Variants in SPIDR observed in about 807,000 individuals in gnomAD.
SPIDR encodes the protein DNA repair-scaffolding protein.
A neutral mutation model predicts 104.6 loss-of-function variants in SPIDR; 93 were observed. The ratio of observed to expected loss-of-function variants is 0.89; its 90% confidence interval spans 0.75 to 1.06. The LOEUF (loss-of-function observed/expected upper bound fraction) is 1.06. Among genes scored for constraint, SPIDR ranks in the 50% least tolerant of loss-of-function variants. SPIDR has a pLI of 0.00. For missense variants in SPIDR, 1,154 were observed against 1,111.2 expected (o/e 1.04, Z -0.55); for synonymous variants, 431 against 416.9 (o/e 1.03, Z -0.41).
At chr8:47,546,563 T>C (rs2089424026) in intron 8 of SPIDR, among the ~76,000 whole-genome samples, 1 of 152,164 alleles carries the variant, frequency 6.6e-6, no homozygotes, top group African/African-American at 2.4e-5. Context: ...ATTTGTTTCA[T>C]GAATTTTCTT....
intron 1 of SPIDR, among the ~76,000 whole-genome samples, chr8:47,277,318 ATGT>A (rs2036664400): frequency 4.1e-4 from 1 of 2,424 alleles, no homozygotes; most frequent in African/African-American, 1.6e-3. Context: ...TATGTTTGTT[ATGT>A]TATGTTATGT....
At position 47,665,979 on chromosome 8, in the gene SPIDR, G is replaced by A. The variant is rs191857546; in HGVS notation, c.1545-7822G>A. Among the ~76,000 whole-genome samples the A allele has an allele frequency of 3.9e-5, 6 of 152,174 alleles. No homozygotes were observed. The East Asian group carries it at 1.2e-3, about 29-fold the overall frequency. On this transcript the variant is annotated intron_variant, in intron 10 of 19. Coordinates refer to ENST00000297423, the MANE Select transcript of SPIDR (RefSeq NM_001080394.4). ...TAATTTGGAAAAGCTTTAAATTGAA[G>A]GCTATTTGAAATAACCTCTTATTTA... is the stretch of plus-strand genomic sequence containing the variant.
chr8:47,318,096 G>A (rs187245741), intron 5 of SPIDR, among the ~76,000 whole-genome samples: 7 of 151,934 alleles, frequency 4.6e-5, no homozygotes, highest in Non-Finnish European at 8.8e-5. Flanking sequence ...TGGACGGAGA[G>A]TGACTTTGAC....
intron 10 of SPIDR, among the ~76,000 whole-genome samples, chr8:47,629,006 T>A (rs1210031605): frequency 1.3e-5 from 2 of 152,202 alleles, no homozygotes; most frequent in Non-Finnish European, 2.9e-5. Flanking sequence ...GCTAAATGAT[T>A]AAGTTGTAAA....
chr8:47,564,279 A>G (rs1290937446), intron 8 of SPIDR, among the ~76,000 whole-genome samples: 2 of 151,748 alleles, frequency 1.3e-5, no homozygotes, highest in Non-Finnish European at 2.9e-5. Flanking sequence ...GGGTTTCGCC[A>G]TATTGGCCAG....
At chr8:47,533,029 T>A (rs991203512) in intron 8 of SPIDR, among the ~76,000 whole-genome samples, 25 of 151,924 alleles carry the variant, frequency 1.6e-4, no homozygotes, top group African/African-American at 6.1e-4. Flanking sequence ...CAAGAGAAAT[T>A]TAAAATATTT....
intron 3 of SPIDR, among the ~76,000 whole-genome samples, chr8:47,290,036 C>T (rs932143894): frequency 4.6e-5 from 7 of 151,928 alleles, no homozygotes; most frequent in Non-Finnish European, 8.8e-5. Context: ...ATTTATATAA[C>T]CTTTTTGTGT....
chr8:47,340,236 G>A (rs577696459), intron 5 of SPIDR, among the ~76,000 whole-genome samples: 22 of 152,160 alleles, frequency 1.4e-4, no homozygotes, highest in Non-Finnish European at 4.4e-5. Flanking sequence ...TTATGGCTAC[G>A]AGTTCCCAAG....
rs188834779 is a variant in SPIDR at position 47,624,831 on chromosome 8, C to G, written c.1544+25635C>G. ...GTACAAGGAGGAGCTGGTACCATTC[C>G]TTCTGAAACTATTCCAATCAATAGA... On this transcript the variant is annotated intron_variant, in intron 10 of 19. Coordinates refer to ENST00000297423, the MANE Select transcript of SPIDR (RefSeq NM_001080394.4). 1.7e-3 allele frequency among the ~76,000 whole-genome samples: 257 copies of G among 152,296 alleles called. 5 individuals carry two copies. In the East Asian group the frequency reaches 0.035, roughly 21 times the overall value.
At chr8:47,422,416 G>T (rs201848154) in intron 7 of SPIDR, among the ~76,000 whole-genome samples, 2 of 152,186 alleles carry the variant, frequency 1.3e-5, no homozygotes, top group East Asian at 3.8e-4. Flanking sequence ...GCCACGTGCG[G>T]GATACAATCT....
chr8:47,413,104 T>C lies in SPIDR; in HGVS notation c.877+5143T>C, dbSNP rs189280725. Among the ~76,000 whole-genome samples the C allele has an allele frequency of 1.4e-4, 22 of 152,352 alleles. No homozygotes were observed. The East Asian group carries it at 2.3e-3, about 16-fold the overall frequency. ...GAGTTCTTAGTTACAACATTAGCTT[T>C]GTGTTGGGTTGTGGTGGATGGTGAA... On this transcript the variant is annotated intron_variant, in intron 7 of 19. Transcript: ENST00000297423.
intron 10 of SPIDR, among the ~76,000 whole-genome samples, chr8:47,651,556 TA>T (rs986968044): frequency 6.6e-6 from 1 of 152,200 alleles, no homozygotes; most frequent in African/African-American, 2.4e-5. Context: ...CTTAAAGAGC[TA>T]AAAGTAGATC....
intron 7 of SPIDR, 65 bp from the exon 8 acceptor site, chr8:47,440,258 T>C: frequency 7.1e-7 from 1 of 1,412,580 alleles, no homozygotes; most frequent in East Asian, 2.3e-5. Context: ...CATGACACTT[T>C]ATTCACGCTT....
intron 5 of SPIDR, among the ~76,000 whole-genome samples, chr8:47,296,057 ATATC>A (rs1307498248): frequency 6.6e-6 from 1 of 152,094 alleles, no homozygotes; most frequent in Admixed American, 6.6e-5. Flanking sequence ...ATTTTAATAT[ATATC>A]TGTTGGCCAT....
chr8:47,418,272 A>G lies in SPIDR; in HGVS notation c.877+10311A>G, dbSNP rs189616391. Among the ~76,000 whole-genome samples the G allele has an allele frequency of 3.5e-3, 537 of 152,152 alleles. 5 individuals are homozygous for G. Among genetic ancestry groups the G allele is most frequent in the African/African-American group, 0.012 (497 of 41,496 alleles). ...ATCCATGAGCATGGAATGTTCTTCC[A>G]TTTGTTTGTATCCTCTTTTATTTTG... On this transcript the variant is annotated intron_variant, in intron 7 of 19. Transcript: ENST00000297423.
chr8:47,273,536 ATGTT>A (rs1240389848), intron 1 of SPIDR, among the ~76,000 whole-genome samples: 2 of 151,566 alleles, frequency 1.3e-5, no homozygotes, highest in East Asian at 3.9e-4. Context: ...GTACCTCTGT[ATGTT>A]CAGCAACTGA....
At chr8:47,290,426 T>G (rs2039697433) in intron 3 of SPIDR, among the ~76,000 whole-genome samples, 1 of 152,184 alleles carries the variant, frequency 6.6e-6, no homozygotes, top group African/African-American at 2.4e-5. Flanking sequence ...ACTGGATCAG[T>G]GTCAGTATCC....
intron 10 of SPIDR, among the ~76,000 whole-genome samples, chr8:47,612,665 G>A (rs2063749772): frequency 6.6e-6 from 1 of 152,196 alleles, no homozygotes; most frequent in South Asian, 2.1e-4. Flanking sequence ...GGAGAGTATA[G>A]CCCAAGGAGC....
chr8:47,396,241 G>A, intron 5 of SPIDR, 135 bp from the exon 6 acceptor site: 1 of 743,674 alleles, frequency 1.3e-6, no homozygotes, highest in South Asian at 1.9e-5. Context: ...AGTTAAAGCT[G>A]CAGATACTGT....
Sources: allele counts gnomAD v4.1 joint callset (sites outside exome capture counted in the v4.1 genomes callset), GRCh38; gene constraint gnomAD v4.1.1; transcripts MANE v1.5; gene names NCBI Gene and HGNC (gene_info 2026-07-23, HGNC 2026-07-21).